KLHL1: variants seen among roughly 807,000 people sequenced by gnomAD.
KLHL1 encodes the protein kelch like family member 1.
Under a neutral mutation model 77.7 loss-of-function variants are expected in KLHL1, and 47 were observed. That is an observed-to-expected ratio of 0.60 (90% CI 0.48 to 0.77). The LOEUF (loss-of-function observed/expected upper bound fraction) is 0.77. Ranked by LOEUF, KLHL1 falls within the 30% of genes least tolerant of loss-of-function variation. The pLI is 0.00. For synonymous variants in KLHL1, 360 were observed against 325.2 expected, an observed-to-expected ratio of 1.11 and a Z score of -1.15; for missense variants, 925 against 910.8, an observed-to-expected ratio of 1.02 and a Z score of -0.20.
chr13:69,726,802 A>G (rs1873317047), intron 8 of KLHL1, among the ~76,000 whole-genome samples: 1 of 152,034 alleles, frequency 6.6e-6, no homozygotes, highest in Non-Finnish European at 1.5e-5. Context: ...AATCCTGCAA[A>G]TTATTTGTTA....
At chr13:69,881,077 G>A (rs1001449876) in intron 5 of KLHL1, among the ~76,000 whole-genome samples, 4 of 152,276 alleles carry the variant, frequency 2.6e-5, no homozygotes, top group African/African-American at 9.6e-5. Context: ...GTCTAGGTAT[G>A]TAAATGCATG....
intron 8 of KLHL1, among the ~76,000 whole-genome samples, chr13:69,737,330 C>A (rs1447243242): frequency 6.6e-6 from 1 of 152,244 alleles, no homozygotes; most frequent in Non-Finnish European, 1.5e-5. Flanking sequence ...GCTCTGGAAA[C>A]TCCCATGAGG....
chr13:70,038,501 G>A (rs1886292074), intron 1 of KLHL1, among the ~76,000 whole-genome samples: 1 of 149,206 alleles, frequency 6.7e-6, no homozygotes, highest in African/African-American at 2.5e-5. Context: ...CAGAGTGGTT[G>A]TGCTATTTTA....
At chr13:70,065,323 A>G (rs1220997166) in intron 1 of KLHL1, among the ~76,000 whole-genome samples, 1 of 152,186 alleles carries the variant, frequency 6.6e-6, no homozygotes, top group Non-Finnish European at 1.5e-5. Flanking sequence ...ACTTGCCTAT[A>G]ACAGATGACA....
At chr13:69,765,685 A>G (rs1234948323) in intron 7 of KLHL1, among the ~76,000 whole-genome samples, 1 of 152,208 alleles carries the variant, frequency 6.6e-6, no homozygotes, top group Non-Finnish European at 1.5e-5. Flanking sequence ...TAGAATTTTT[A>G]GTCTTTTACA....
chr13:69,765,635 G>A (rs1237581250), intron 7 of KLHL1, among the ~76,000 whole-genome samples: 2 of 152,156 alleles, frequency 1.3e-5, no homozygotes, highest in African/African-American at 4.8e-5. Flanking sequence ...AGAGCCACTA[G>A]TTTTTAGCTG....
chr13:69,885,828 G>A (rs1022006646), intron 4 of KLHL1, among the ~76,000 whole-genome samples: 9 of 152,156 alleles, frequency 5.9e-5, no homozygotes, highest in South Asian at 2.1e-4. Context: ...TAGAAAAAGT[G>A]CAATTATCTG....
intron 1 of KLHL1, among the ~76,000 whole-genome samples, chr13:70,039,925 T>C (rs1169290274): frequency 6.6e-6 from 1 of 152,016 alleles, no homozygotes; most frequent in Non-Finnish European, 1.5e-5. Context: ...ATTTGAACTT[T>C]AAAAAAATAT....
chr13:70,033,905 C>T (rs1474831420), intron 1 of KLHL1, among the ~76,000 whole-genome samples: 1 of 152,130 alleles, frequency 6.6e-6, no homozygotes, highest in Non-Finnish European at 1.5e-5. Context: ...GCCACTGCAC[C>T]TGGCCTCTAA....
At chr13:69,853,138 T>A (rs1329810986) in intron 5 of KLHL1, among the ~76,000 whole-genome samples, 3 of 152,020 alleles carry the variant, frequency 2.0e-5, no homozygotes, top group African/African-American at 4.8e-5. Context: ...CAAGAACTGT[T>A]AAACTACTGA....
intron 2 of KLHL1, among the ~76,000 whole-genome samples, chr13:69,962,748 G>A (rs1175882398): frequency 6.7e-6 from 1 of 148,798 alleles, no homozygotes; most frequent in African/African-American, 2.5e-5. Flanking sequence ...TTATTTTCTT[G>A]TATTTTCCTG....
intron 5 of KLHL1, among the ~76,000 whole-genome samples, chr13:69,848,555 A>G (rs999890295): frequency 6.6e-6 from 1 of 151,638 alleles, no homozygotes; most frequent in African/African-American, 2.4e-5. Flanking sequence ...ATTATTTAAG[A>G]ATATTATTTA....
At position 69,760,218 on chromosome 13, in the gene KLHL1, G is replaced by A. The variant is rs141006059; in HGVS notation, c.1640-19662C>T. On this transcript the variant is annotated intron_variant, in intron 7 of 10. Transcript: ENST00000377844. ...AAAGCATACTCTCTGCCTAGACTCA[G>A]TATGGATAACTGAAAAAGAAACCAG... Among the ~76,000 whole-genome samples the A allele has an allele frequency of 7.8e-3, 1,180 of 152,224 alleles. 66 individuals are homozygous for A. Among genetic ancestry groups the A allele is most frequent in the Admixed American group, 0.067 (1,031 of 15,276 alleles).
In KLHL1 at chr13:70,108,301, G is replaced by C. The variant is rs969541944; in HGVS notation, c.-602C>G. 2.9e-6 allele frequency: 1 copy of C among 349,852 alleles called. No homozygotes were observed. Among genetic ancestry groups the C allele is most frequent in the East Asian group, 4.4e-5 (1 of 22,854 alleles). The allele number at this position is 349,852 out of a possible 1,614,324, so 21.7% of individuals were successfully genotyped here. A position where few individuals can be genotyped will look rare whatever the true frequency, so the allele number is the denominator to read the frequency against. ...TTCGAGGATGCCCCGATAGCCTGCC[G>C]GGTGGCTCTGAGAAAGTCAATTGCT... On this transcript the variant is annotated 5_prime_UTR_variant, in exon 1 of 11. Transcript: ENST00000377844.
At chr13:69,722,335 TTATATA>T (rs1490096330) in intron 8 of KLHL1, among the ~76,000 whole-genome samples, 4 of 151,932 alleles carry the variant, frequency 2.6e-5, no homozygotes, top group Non-Finnish European at 4.4e-5. Flanking sequence ...ATTTCAAAAA[TTATATA>T]TAAATATATA....
intron 6 of KLHL1, among the ~76,000 whole-genome samples, chr13:69,813,679 A>G (rs1689558469): frequency 1.3e-5 from 2 of 152,148 alleles, no homozygotes; most frequent in African/African-American, 2.4e-5. Context: ...AATACCTGGG[A>G]ATAAATATAA....
intron 1 of KLHL1, among the ~76,000 whole-genome samples, chr13:69,985,961 A>C (rs1250273926): frequency 6.7e-6 from 1 of 149,934 alleles, no homozygotes; most frequent in African/African-American, 2.4e-5. Context: ...ATCCTCCAGG[A>C]TCATTCATGT....
intron 6 of KLHL1, among the ~76,000 whole-genome samples, chr13:69,837,638 ATATATGTGTATATATATATGTGTGTG>A (rs1879064479): frequency 1.5e-5 from 2 of 135,390 alleles, no homozygotes; most frequent in African/African-American, 3.1e-5. Flanking sequence ...GTGTATATAT[ATATATGTGTATATATATATGTGTGTG>A]TGTGTGTATA....
chr13:70,063,058 A>G (rs1886928187), intron 1 of KLHL1, among the ~76,000 whole-genome samples: 1 of 152,138 alleles, frequency 6.6e-6, no homozygotes, highest in African/African-American at 2.4e-5. Flanking sequence ...AAATTTGGCC[A>G]CAGATTCTGA....
Sources: gnomAD v4.1 joint callset for allele counts (sites outside exome capture counted in the v4.1 genomes callset) on GRCh38, gnomAD v4.1.1 for gene constraint, MANE v1.5 for transcripts, NCBI Gene and HGNC (gene_info 2026-07-23, HGNC 2026-07-21) for gene names.